The following RUNX1 variants were observed in gnomAD, a reference collection of about 807,000 sequenced individuals.
The protein encoded by RUNX1 is runt-related transcription factor 1.
A neutral mutation model predicts 42.8 loss-of-function variants in RUNX1; 19 were observed. The observed-to-expected ratio is 0.44, with a 90% CI of 0.31 to 0.65. The LOEUF (loss-of-function observed/expected upper bound fraction) is 0.65, where lower values mean the gene tolerates loss of function less well. Among genes scored for constraint, RUNX1 ranks in the 30% least tolerant of loss-of-function variants. The pLI is 0.07. For missense variants in RUNX1, 528 were observed against 672.0 expected, an observed-to-expected ratio of 0.79 and a Z score of 2.37; for synonymous variants, 271 against 289.4, an observed-to-expected ratio of 0.94 and a Z score of 0.64.
At chr21:34,999,162 C>G (rs2059021111) in intron 2 of RUNX1, among the ~76,000 whole-genome samples, 1 of 152,140 alleles carries the variant, frequency 6.6e-6, no homozygotes, top group African/African-American at 2.4e-5. Flanking sequence ...CCAGCTGGAC[C>G]CAGAGCCGGA....
chr21:34,988,707 C>A (rs1451389472), intron 2 of RUNX1, among the ~76,000 whole-genome samples: 1 of 152,192 alleles, frequency 6.6e-6, no homozygotes, highest in Non-Finnish European at 1.5e-5. Flanking sequence ...GACATCCGGA[C>A]AGTGTGTGCA....
intron 2 of RUNX1, among the ~76,000 whole-genome samples, chr21:35,017,663 C>T (rs2059169244): frequency 1.3e-5 from 2 of 152,118 alleles, no homozygotes; most frequent in African/African-American, 4.8e-5. Context: ...GTTTGCCCTG[C>T]TATGAATCAC....
chr21:34,997,139 A>G (rs1370595127), intron 2 of RUNX1, among the ~76,000 whole-genome samples: 2 of 152,274 alleles, frequency 1.3e-5, no homozygotes, highest in Non-Finnish European at 2.9e-5. Flanking sequence ...ATGGGCTTAA[A>G]TTGCATTCAC....
intron 2 of RUNX1, among the ~76,000 whole-genome samples, chr21:34,998,183 C>T (rs1210268439): frequency 6.6e-6 from 1 of 152,128 alleles, no homozygotes; most frequent in Non-Finnish European, 1.5e-5. Context: ...CCCTCGTTTC[C>T]TCTCAAGAAA....
chr21:34,896,116 A>T (rs1358454283), intron 2 of RUNX1, among the ~76,000 whole-genome samples: 1 of 152,136 alleles, frequency 6.6e-6, no homozygotes, highest in Non-Finnish European at 1.5e-5. Context: ...TTGGATGCCC[A>T]GAACAGAATA....
At chr21:34,810,723 T>C (rs1238846612) in intron 7 of RUNX1, among the ~76,000 whole-genome samples, 4 of 152,186 alleles carry the variant, frequency 2.6e-5, no homozygotes, top group Admixed American at 1.3e-4. Context: ...TGTGCCCCTC[T>C]GCCCGATATT....
rs56045941 is a variant in RUNX1, at chr21:35,049,034, T to C, written c.-59-76A>G. On this transcript the variant is annotated intron_variant, in intron 1 of 8. Coordinates refer to ENST00000675419, the MANE Select transcript of RUNX1 (RefSeq NM_001754.5). ...CCCTACATCTCTCTTTCTTCTCCCC[T>C]CTGCTGGATACCTCTGGGACTCCCC... is the stretch of plus-strand genomic sequence containing the variant. The C allele has an allele frequency of 0.15, 112,944 of 774,748 alleles. 9,157 individuals carry two copies. Among genetic ancestry groups the C allele is most frequent in the Middle Eastern group, 0.23 (731 of 3,190 alleles). 48.0% of individuals were successfully genotyped at this position (774,748 alleles called of 1,614,324 possible). A position where few individuals can be genotyped will look rare whatever the true frequency, so the allele number is the denominator to read the frequency against.
intron 2 of RUNX1, among the ~76,000 whole-genome samples, chr21:34,996,202 G>A (rs1163606290): frequency 3.9e-5 from 6 of 152,106 alleles, no homozygotes; most frequent in Non-Finnish European, 7.4e-5. Context: ...CCTATCCCAG[G>A]GGTCAGGCCT....
At chr21:34,864,513 C>T (rs1387169313) in intron 5 of RUNX1, among the ~76,000 whole-genome samples, 1 of 152,186 alleles carries the variant, frequency 6.6e-6, no homozygotes, top group Non-Finnish European at 1.5e-5. Flanking sequence ...CACTCACTGG[C>T]CTTGGTCTGG....
intron 2 of RUNX1, among the ~76,000 whole-genome samples, chr21:34,903,702 A>G (rs2058195371): frequency 6.6e-6 from 1 of 152,212 alleles, no homozygotes; most frequent in African/African-American, 2.4e-5. Context: ...TTCTATAGGC[A>G]CTCGGATAAG....
chr21:34,810,199 T>C (rs1293481125), intron 7 of RUNX1, among the ~76,000 whole-genome samples: 2 of 152,264 alleles, frequency 1.3e-5, no homozygotes, highest in East Asian at 3.8e-4. Flanking sequence ...TGGCACTTTT[T>C]TGATGTTGTA....
chr21:34,851,402 T>C (rs2057416467), intron 6 of RUNX1, among the ~76,000 whole-genome samples: 1 of 152,164 alleles, frequency 6.6e-6, no homozygotes, highest in South Asian at 2.1e-4. Context: ...AATTTAGAGA[T>C]TATCTCGTCC....
chr21:34,967,478 C>A (rs1163910570), intron 2 of RUNX1, among the ~76,000 whole-genome samples: 1 of 150,986 alleles, frequency 6.6e-6, no homozygotes, highest in African/African-American at 2.4e-5. Context: ...CTTCGCCATC[C>A]AGCCCTGAAC....
At chr21:34,862,505 T>C (rs1357335259) in intron 5 of RUNX1, among the ~76,000 whole-genome samples, 2 of 152,140 alleles carry the variant, frequency 1.3e-5, no homozygotes, top group Non-Finnish European at 2.9e-5. Flanking sequence ...CAAATCAAGG[T>C]GGCAGCAGGG....
chr21:34,903,178 C>T (rs1343954515), intron 2 of RUNX1, among the ~76,000 whole-genome samples: 1 of 152,148 alleles, frequency 6.6e-6, no homozygotes, highest in Non-Finnish European at 1.5e-5. Context: ...CCCACAGTTA[C>T]TCAGTGTTAT....
chr21:35,036,084 A>T (rs946231939), intron 2 of RUNX1, among the ~76,000 whole-genome samples: 1 of 152,088 alleles, frequency 6.6e-6, no homozygotes, highest in Non-Finnish European at 1.5e-5. Flanking sequence ...CAGAAGAGGG[A>T]GCAGGGAGCA....
rs750395602 is a variant in RUNX1, at chr21:34,901,143, C to T, written c.59-8180G>A. Reference sequence around the variant, plus strand: ...GAGAGGTTCACAACAGAAACCACTGCCCCTACTTGCCTGTGTTGGTTCTTA... The same window carrying T: ...GAGAGGTTCACAACAGAAACCACTGTCCCTACTTGCCTGTGTTGGTTCTTA... On this transcript the variant is annotated intron_variant, in intron 2 of 8. Coordinates refer to ENST00000675419, the MANE Select transcript of RUNX1 (RefSeq NM_001754.5). This position sits in a 1 kb window ranked among gnomAD's most constrained non-coding sequence, Gnocchi z 4.3. Among the ~76,000 whole-genome samples, 24 of 151,994 alleles carry T rather than the reference C, an allele frequency of 1.6e-4. No homozygotes were observed. Among genetic ancestry groups the T allele is most frequent in the Non-Finnish European group, 1.0e-4 (7 of 68,014 alleles).
intron 6 of RUNX1, among the ~76,000 whole-genome samples, chr21:34,846,543 CT>C (rs1379986847): frequency 2.6e-5 from 4 of 152,110 alleles, no homozygotes; most frequent in Non-Finnish European, 4.4e-5. Flanking sequence ...CTTCTTTCTC[CT>C]TCTGTAGATG....
At chr21:34,884,188 G>A (rs1482246413) in intron 4 of RUNX1, among the ~76,000 whole-genome samples, 1 of 152,146 alleles carries the variant, frequency 6.6e-6, no homozygotes, top group Non-Finnish European at 1.5e-5. Context: ...CTCTCATACT[G>A]TAAAAAATAA....
Sources: allele counts gnomAD v4.1 joint callset (sites outside exome capture counted in the v4.1 genomes callset), GRCh38; gene constraint gnomAD v4.1.1; non-coding constraint Gnocchi (gnomAD v3.1); transcripts MANE v1.5; gene names NCBI Gene and HGNC (gene_info 2026-07-23, HGNC 2026-07-21).